The following ATRX variants were observed in gnomAD, a reference collection of about 807,000 sequenced individuals.
ATRX encodes ATRX chromatin remodeler.
A neutral mutation model predicts 172.6 loss-of-function variants in ATRX; 12 were observed. The ratio of observed to expected loss-of-function variants is 0.07; its 90% confidence interval spans 0.04 to 0.11. The LOEUF (loss-of-function observed/expected upper bound fraction) is 0.11. ATRX is among the 10% of genes least tolerant of loss of function. The probability of loss-of-function intolerance (pLI) is 1.00; values close to 1 mark genes in which losing one functional copy is unlikely to be tolerated. For missense variants in ATRX, 1,368 were observed against 1,767.4 expected, an observed-to-expected ratio of 0.77 and a Z score of 4.05; for synonymous variants, 674 against 594.7, an observed-to-expected ratio of 1.13 and a Z score of -1.94.
At chrX:77,667,804 C>A (rs1322873038) in intron 10 of ATRX, among the ~76,000 whole-genome samples, 1 of 111,690 alleles carries the variant, frequency 9.0e-6, no homozygotes, top group African/African-American at 3.3e-5. Flanking sequence ...AACTTAGCGA[C>A]AACTTTCAGT....
intron 2 of ATRX, among the ~76,000 whole-genome samples, chrX:77,705,911 G>A (rs1041008899): frequency 8.9e-6 from 1 of 111,834 alleles, no homozygotes; most frequent in East Asian, 2.8e-4. Flanking sequence ...AATCAAGACC[G>A]TGGAGTACTG....
intron 21 of ATRX, 135 bp downstream of exon 21, chrX:77,618,671 G>T: frequency 1.6e-6 from 1 of 613,567 alleles, no homozygotes; most frequent in Non-Finnish European, 2.6e-6. Context: ...AACGCAAGGA[G>T]ATATAACTGT....
intron 27 of ATRX, among the ~76,000 whole-genome samples, chrX:77,581,517 A>G (rs1470476879): frequency 1.8e-5 from 2 of 112,001 alleles, no homozygotes; most frequent in Non-Finnish European, 3.8e-5. Context: ...GGATATAACA[A>G]TTTAAAATAT....
At chrX:77,557,802 A>G (rs1451248055) in intron 29 of ATRX, among the ~76,000 whole-genome samples, 157 bp from the exon 30 acceptor site, 1 of 112,211 alleles carries the variant, frequency 8.9e-6, no homozygotes, top group Non-Finnish European at 1.9e-5. Flanking sequence ...TGCTTAATTC[A>G]TGAAAGATTT....
At chrX:77,596,050 T>G (rs1557083710) in intron 25 of ATRX, 1 of 111,900 alleles carries the variant, frequency 8.9e-6, no homozygotes, top group Non-Finnish European at 1.9e-5. Context: ...AAGCTAAACT[T>G]AAATGACTCA....
chrX:77,692,431 T>C (rs782787747), intron 6 of ATRX, among the ~76,000 whole-genome samples: 1 of 112,006 alleles, frequency 8.9e-6, no homozygotes, highest in Non-Finnish European at 1.9e-5. Context: ...AATATTTCCT[T>C]TATTTTTGCC....
chrX:77,715,737 A>C (rs1557164296), intron 2 of ATRX, among the ~76,000 whole-genome samples: 3 of 111,331 alleles, frequency 2.7e-5, no homozygotes, highest in African/African-American at 9.8e-5. Context: ...AACTTCTTGA[A>C]TCTCTAGTCT....
At chrX:77,639,594 T>TA (rs1303955588) in intron 15 of ATRX, among the ~76,000 whole-genome samples, 48 of 111,371 alleles carry the variant, frequency 4.3e-4, no homozygotes, top group African/African-American at 1.4e-3. Flanking sequence ...AATGCCACAA[T>TA]AAAAAAAACT....
chrX:77,633,533 T>C (rs1557106627), intron 18 of ATRX, 33 bp downstream of exon 18: 1 of 1,185,618 alleles, frequency 8.4e-7, no homozygotes, highest in Non-Finnish European at 1.1e-6. Flanking sequence ...CATGTGACTA[T>C]TTTAATAATA....
In ATRX at chrX:77,683,953, T is replaced by C. The variant is rs371580333; in HGVS notation, c.1303A>G (p.Ile435Val). The C allele has an allele frequency of 3.0e-4, 366 of 1,208,729 alleles. No homozygotes were observed. The highest frequency in any genetic ancestry group is 3.4e-4 in the Non-Finnish European group (305 of 894,015). ...KEKNTKEHKV[I>V]DAKFETKARK... is the part of the protein sequence containing the mutation. ...GCTTTTGTTTCAAACTTAGCATCTA[T>C]GACTTTATGCTCTTTGGTATTTTTC... is the stretch of plus-strand genomic sequence containing the variant. The change falls in exon 9 of 35, where the codon ATA (isoleucine) becomes GTA (valine). Residue 435 changes from isoleucine (I) to valine (V), a missense_variant. By Grantham distance (29) the Ile-to-Val change is conservative (BLOSUM62 3). This residue lies in a region of ATRX where 843 missense variants were observed against 643.1 expected (regional missense o/e 1.31). Coordinates refer to ENST00000373344, the MANE Select transcript of ATRX (RefSeq NM_000489.6).
chrX:77,546,205 A>G (rs2064235154), intron 30 of ATRX, among the ~76,000 whole-genome samples: 1 of 111,435 alleles, frequency 9.0e-6, no homozygotes, highest in Non-Finnish European at 1.9e-5. Context: ...ACCACTTTCC[A>G]TGCCATAATT....
At chrX:77,664,854 C>T in intron 10 of ATRX, 76 bp from the exon 11 acceptor site, 6 of 947,201 alleles carry the variant, frequency 6.3e-6, no homozygotes, top group Non-Finnish European at 8.7e-6. Flanking sequence ...TAAAAACAGA[C>T]TTCTTTGAAT....
chrX:77,765,364 T>C (rs1224198044), intron 1 of ATRX, among the ~76,000 whole-genome samples: 7 of 112,197 alleles, frequency 6.2e-5, no homozygotes, highest in Admixed American at 3.8e-4. Context: ...AATAGAAGTG[T>C]AGCTAATTTA....
chrX:77,775,568 C>T (rs1019349770), intron 1 of ATRX, among the ~76,000 whole-genome samples: 6 of 110,580 alleles, frequency 5.4e-5, no homozygotes, highest in Non-Finnish European at 9.5e-5. Flanking sequence ...CCTATAGTCC[C>T]AGATATTCGG....
chrX:77,731,724 A>G (rs911874142), intron 1 of ATRX, among the ~76,000 whole-genome samples: 11 of 111,025 alleles, frequency 9.9e-5, no homozygotes, highest in Non-Finnish European at 3.8e-5. Flanking sequence ...CGGAGAGAAG[A>G]TGGCCAAACT....
chrX:77,736,244 A>G (rs1330590330), intron 1 of ATRX, among the ~76,000 whole-genome samples: 1 of 111,804 alleles, frequency 8.9e-6, no homozygotes, highest in East Asian at 2.8e-4. Context: ...AAGCTTTTGC[A>G]TAACAAAAGA....
chrX:77,522,085 C>A, intron 32 of ATRX, 178 bp downstream of exon 32: 2 of 556,743 alleles, frequency 3.6e-6, no homozygotes, highest in East Asian at 3.7e-5. Flanking sequence ...CTGAACAAAC[C>A]ACATTTTACA....
At chrX:77,666,792 G>A (rs1165360275) in intron 10 of ATRX, among the ~76,000 whole-genome samples, 2 of 111,597 alleles carry the variant, frequency 1.8e-5, no homozygotes, top group Non-Finnish European at 3.8e-5. Context: ...CCCGGGAGGC[G>A]GAGGTTGCAG....
At chrX:77,533,668 A>T (rs1457476969) in intron 30 of ATRX, among the ~76,000 whole-genome samples, 1 of 111,252 alleles carries the variant, frequency 9.0e-6, no homozygotes, top group Non-Finnish European at 1.9e-5. Flanking sequence ...AAGAATAGCT[A>T]ATGGATGCTG....
Sources: allele counts gnomAD v4.1 joint callset (sites outside exome capture counted in the v4.1 genomes callset), GRCh38; gene constraint gnomAD v4.1.1; regional missense constraint gnomAD v4.1.1; transcripts MANE v1.5; gene names NCBI Gene and HGNC (gene_info 2026-07-23, HGNC 2026-07-21).